CRYBA4: variants seen among roughly 807,000 people sequenced by gnomAD.
The protein encoded by CRYBA4 is crystallin beta A4, also known as beta-crystallin A4.
In CRYBA4, 30 loss-of-function variants were observed where a neutral mutation model predicts 31.7. The ratio of observed to expected loss-of-function variants is 0.95; its 90% CI spans 0.71 to 1.28. CRYBA4 has a LOEUF of 1.28. CRYBA4 is among the 50% of genes most tolerant of loss of function. CRYBA4 has a pLI of 0.00. For synonymous variants in CRYBA4, 102 were observed against 102.3 expected (o/e 1.00, Z 0.02); for missense variants, 225 against 260.7 (o/e 0.86, Z 0.94).
At chr22:26,623,393 A>C in intron 3 of CRYBA4, 41 bp downstream of exon 3, 1 of 1,505,744 alleles carries the variant, frequency 6.6e-7, no homozygotes. Context: ...GAGGGTGGAC[A>C]GGAAGGGACC....
At chr22:26,614,501 C>A in the CRYBA4 span, among the ~76,000 whole-genome samples, 1 of 152,252 alleles carries the variant, frequency 6.6e-6, no homozygotes, top group African/African-American at 2.4e-5. Context: ...ATGCTGTTCA[C>A]GAGAGCAAAG....
upstream of CRYBA4, among the ~76,000 whole-genome samples, chr22:26,621,496 G>A (rs1185218649): frequency 6.6e-6 from 1 of 152,186 alleles, no homozygotes; most frequent in African/African-American, 2.4e-5. Context: ...TGCTTCAACT[G>A]GAAGAGAAAG....
chr22:26,620,356 CCT>C (rs1363021386), upstream of CRYBA4, among the ~76,000 whole-genome samples: 3 of 152,078 alleles, frequency 2.0e-5, no homozygotes, highest in African/African-American at 4.8e-5. Flanking sequence ...TCACAATCCC[CCT>C]GTTTCTTAGA....
At chr22:26,625,321 C>T (rs1032188036) in intron 3 of CRYBA4, among the ~76,000 whole-genome samples, 160 bp from the exon 4 acceptor site, 13 of 152,106 alleles carry the variant, frequency 8.5e-5, no homozygotes, top group Admixed American at 7.2e-4. Context: ...CTCCCCTAGT[C>T]GTGACAACCA....
rs1048616090 is a variant in CRYBA4 at position 26,622,084 on chromosome 22, G to A, written c.-13+98G>A. 3 of 579,834 alleles carry A rather than the reference G, an allele frequency of 5.2e-6. No individual in the cohort carries two copies. The African/African-American group carries it at 6.1e-5, about 12-fold the overall frequency. The allele number at this position is 579,834 out of a possible 1,614,324, so 35.9% of individuals were successfully genotyped here. ...TCCCCAGTCCTAGGGATGTCACTGT[G>A]TCATCCTGAATGCCATCCTCATCCT... On this transcript the variant is annotated intron_variant, in intron 1 of 5. Transcript: ENST00000354760.
the CRYBA4 span, chr22:26,601,755 G>A: frequency 6.6e-7 from 1 of 1,506,420 alleles, no homozygotes; most frequent in East Asian, 2.4e-5. Context: ...ACCAGCACTG[G>A]GAGACTGTGG....
intron 5 of CRYBA4, 90 bp downstream of exon 5, chr22:26,628,520 T>G: frequency 6.8e-7 from 1 of 1,462,842 alleles, no homozygotes; most frequent in Non-Finnish European, 9.5e-7. Flanking sequence ...TGGGGACTTT[T>G]GTGCTCTGAT....
At position 26,622,668 on chromosome 22, in the gene CRYBA4, G is replaced by A. The variant is rs757027677; in HGVS notation, c.39+33G>A. 4 of 1,531,710 alleles carry A rather than the reference G, an allele frequency of 2.6e-6. No individual in the cohort carries two copies. In the African/African-American group the frequency reaches 4.1e-5, roughly 16 times the overall value. 94.9% of individuals were successfully genotyped at this position (1,531,710 alleles called of 1,614,324 possible). On this transcript the variant is annotated intron_variant, in intron 2 of 5. Coordinates refer to ENST00000354760, the MANE Select transcript of CRYBA4 (RefSeq NM_001886.3). ...GAGGCATGGGGAGGGGGTGTTCAGG[G>A]GGTATGGGGAGGGTTCAGGTCCCCA...
At chr22:26,599,469 G>T in the CRYBA4 span, 2 of 1,600,704 alleles carry the variant, frequency 1.2e-6, no homozygotes, top group Non-Finnish European at 1.7e-6. Context: ...TTGGGGCAAG[G>T]TAGCAGAGTG....
chr22:26,622,067 C>T, intron 1 of CRYBA4, 81 bp downstream of exon 1: 1 of 729,276 alleles, frequency 1.4e-6, no homozygotes, highest in Non-Finnish European at 1.7e-6. Context: ...GGTCCCCAGT[C>T]CTAGGGATGT....
Position 26,630,428 on chromosome 22 carries a change from G to A in CRYBA4, c.532G>A (p.Glu178Lys), listed in dbSNP as rs1237740955. Reference protein sequence around the residue: ...HHSGDYKHFREWGSHAPTFQV... With the variant: ...HHSGDYKHFRKWGSHAPTFQV... ...TTCCGGTGACTACAAACATTTCCGGGAGTGGGGCTCTCATGCCCCGACCTT... is the reference window on the plus strand; with the variant it reads ...TTCCGGTGACTACAAACATTTCCGGAAGTGGGGCTCTCATGCCCCGACCTT... The change falls in exon 6 of 6, where the codon GAG becomes AAG. Residue 178 changes from glutamate (E) to lysine (K), a missense_variant. Coordinates refer to ENST00000354760, the MANE Select transcript of CRYBA4 (RefSeq NM_001886.3). 3 of 1,614,142 alleles carry A rather than the reference G, an allele frequency of 1.9e-6. No homozygotes were observed. The highest frequency in any genetic ancestry group is 2.5e-6 in the Non-Finnish European group (3 of 1,180,022).
chr22:26,625,054 G>T (rs1929660481), intron 3 of CRYBA4, among the ~76,000 whole-genome samples: 2 of 152,238 alleles, frequency 1.3e-5, no homozygotes, highest in Non-Finnish European at 2.9e-5. Flanking sequence ...CCACCAAGGT[G>T]AGATCAGTCT....
At position 26,630,447 on chromosome 22, in the gene CRYBA4, C is replaced by G; in HGVS notation, c.551C>G (p.Pro184Arg). 6.2e-7 allele frequency: 1 copy of G among 1,614,026 alleles called. No individual in the cohort carries two copies. The highest frequency in any genetic ancestry group is 8.5e-7 in the Non-Finnish European group (1 of 1,179,980). ...TTCCGGGAGTGGGGCTCTCATGCCC[C>G]GACCTTCCAGGTGCAGAGCATCCGC... is the stretch of plus-strand genomic sequence containing the variant. ...KHFREWGSHA[P>R]TFQVQSIRRI... Residue 184 changes from proline to arginine, a missense_variant, in exon 6 of 6, where the codon CCG (proline) becomes CGG (arginine). By Grantham distance (103) the Pro-to-Arg change is moderately radical. Coordinates refer to ENST00000354760, the MANE Select transcript of CRYBA4 (RefSeq NM_001886.3).
the CRYBA4 span, chr22:26,616,279 G>A: frequency 6.2e-6 from 10 of 1,613,864 alleles, no homozygotes; most frequent in Admixed American, 1.7e-5. Flanking sequence ...TGGGTTCACC[G>A]CCACTGTGGC....
At chr22:26,614,481 C>T in the CRYBA4 span, among the ~76,000 whole-genome samples, 50 of 152,170 alleles carry the variant, frequency 3.3e-4, no homozygotes, top group Non-Finnish European at 1.9e-4. Context: ...GGGATAAGAA[C>T]GTCCAAGCCA....
chr22:26,611,157 T>C, the CRYBA4 span, among the ~76,000 whole-genome samples: 1 of 152,178 alleles, frequency 6.6e-6, no homozygotes, highest in Non-Finnish European at 1.5e-5. Flanking sequence ...AGGAATGAAC[T>C]CAATCAACCT....
At chr22:26,606,237 T>G in the CRYBA4 span, among the ~76,000 whole-genome samples, 1 of 152,148 alleles carries the variant, frequency 6.6e-6, no homozygotes, top group African/African-American at 2.4e-5. Flanking sequence ...AATTAATTGG[T>G]CTGGGGTGGG....
At chr22:26,615,781 T>C in the CRYBA4 span, among the ~76,000 whole-genome samples, 1 of 152,182 alleles carries the variant, frequency 6.6e-6, no homozygotes, top group Non-Finnish European at 1.5e-5. Flanking sequence ...CCCAAAGTGC[T>C]GGGATTACAG....
chr22:26,617,041 A>G (rs955364194), upstream of CRYBA4, among the ~76,000 whole-genome samples: 3 of 152,238 alleles, frequency 2.0e-5, no homozygotes, highest in African/African-American at 7.2e-5. Context: ...GCATGCTCCC[A>G]GCTCCTTTCC....
Sources: gnomAD v4.1 joint callset for allele counts (sites outside exome capture counted in the v4.1 genomes callset) on GRCh38, gnomAD v4.1.1 for gene constraint, MANE v1.5 for transcripts, NCBI Gene and HGNC (gene_info 2026-07-23, HGNC 2026-07-21) for gene names.